Variants in SMIM36 observed in about 807,000 individuals in gnomAD.
SMIM36 encodes small integral membrane protein 36.
chr17:55,480,205 G>C (rs1444379842), intron 1 of SMIM36, among the ~76,000 whole-genome samples: 2 of 149,786 alleles, frequency 1.3e-5, no homozygotes, highest in African/African-American at 4.9e-5. Context: ...TAGTGAGCTG[G>C]ACAGGAAAGG....
chr17:55,520,493 A>C, the SMIM36 span, among the ~76,000 whole-genome samples: 3 of 152,300 alleles, frequency 2.0e-5, no homozygotes, highest in East Asian at 5.8e-4. Context: ...GGGCTAAGTA[A>C]AATAAGGGCT....
At chr17:55,527,061 G>A in the SMIM36 span, 2 of 152,152 alleles carry the variant, frequency 1.3e-5, no homozygotes, top group African/African-American at 4.8e-5. Flanking sequence ...AGTGTCTTTT[G>A]GATGATCTTT....
intron 1 of SMIM36, among the ~76,000 whole-genome samples, chr17:55,508,071 G>C (rs1251451329): frequency 1.1e-4 from 16 of 152,126 alleles, no homozygotes; most frequent in Non-Finnish European, 4.4e-5. Flanking sequence ...TGGTTTACTG[G>C]TGTAAATATG....
upstream of SMIM36, among the ~76,000 whole-genome samples, chr17:55,512,043 G>A (rs1465338670): frequency 1.3e-5 from 2 of 152,150 alleles, no homozygotes; most frequent in Admixed American, 6.5e-5. Context: ...TGCACAATTC[G>A]CCATTTAAGA....
Position 55,467,772 on chromosome 17 carries a change from A to G in SMIM36, c.*348-444T>C, listed in dbSNP as rs143327703. 6.4e-4 allele frequency among the ~76,000 whole-genome samples: 98 copies of G among 152,292 alleles called. 1 individual carries two copies. The East Asian group carries it at 0.018, about 28-fold the overall frequency. ...TGCAACCTGGCTTTCCTGCTGGGCC[A>G]TGTCAGGCCTCTGAGCCCAAGCTAA... On this transcript the variant is annotated intron_variant, in intron 3 of 4. Transcript: ENST00000636752.
chr17:55,511,408 T>A (rs1910180332), exon 1 of SMIM36: 1 of 397,444 alleles, frequency 2.5e-6, no homozygotes, highest in Admixed American at 4.4e-5. Flanking sequence ...AGAGAGCAGA[T>A]CTTAGAGCAT....
the SMIM36 span, among the ~76,000 whole-genome samples, chr17:55,521,722 G>C: frequency 6.6e-6 from 1 of 152,176 alleles, no homozygotes; most frequent in Non-Finnish European, 1.5e-5. Context: ...CTTTGACAGT[G>C]TTAATTGTCA....
At chr17:55,500,779 A>ATTATT (rs1567870458) in intron 1 of SMIM36, among the ~76,000 whole-genome samples, 5 of 62,014 alleles carry the variant, frequency 8.1e-5, no homozygotes, top group African/African-American at 3.3e-4. Context: ...TATAATATAT[A>ATTATT]ATATATTATT....
At position 55,490,230 on chromosome 17, in the gene SMIM36, G is replaced by A. The variant is rs190077532; in HGVS notation, c.*175-10650C>T. ...AGTTGCATCATCAAAAGCATCTAAA[G>A]TAGGGTGGAAAAATCACTAGAAGGG... On this transcript the variant is annotated intron_variant, in intron 1 of 4. Coordinates refer to ENST00000636752, the Ensembl canonical transcript of SMIM36. Among the ~76,000 whole-genome samples, 470 of 152,228 alleles carry A rather than the reference G, an allele frequency of 3.1e-3. 3 individuals are homozygous for A. Among genetic ancestry groups the A allele is most frequent in the Admixed American group, 4.3e-3 (65 of 15,278 alleles).
intron 4 of SMIM36, among the ~76,000 whole-genome samples, chr17:55,454,311 G>T (rs898035524): frequency 1.3e-5 from 2 of 152,172 alleles, no homozygotes; most frequent in African/African-American, 4.8e-5. Context: ...AAAGGAAAGT[G>T]TCCTGTAGCA....
intron 1 of SMIM36, among the ~76,000 whole-genome samples, chr17:55,501,365 A>T (rs1442066503): frequency 1.0e-3 from 81 of 79,800 alleles, no homozygotes; most frequent in African/African-American, 3.2e-3. Flanking sequence ...ATAATATATA[A>T]TATATTATAT....
At chr17:55,457,951 T>C (rs1909058650) in intron 4 of SMIM36, among the ~76,000 whole-genome samples, 1 of 152,224 alleles carries the variant, frequency 6.6e-6, no homozygotes, top group Non-Finnish European at 1.5e-5. Flanking sequence ...TTGAGATTAG[T>C]GGAGGTACAG....
intron 3 of SMIM36, among the ~76,000 whole-genome samples, chr17:55,474,901 G>T (rs1257764645): frequency 2.6e-5 from 4 of 152,170 alleles, no homozygotes; most frequent in Non-Finnish European, 5.9e-5. Context: ...CTTTGTGTGA[G>T]ATAGACTGGC....
At position 55,501,352 on chromosome 17, in the gene SMIM36, T is replaced by A. The variant is rs759666777; in HGVS notation, c.*174+9527A>T. ...ATATATAATATATTATATATTATAT[T>A]TTATAATATATAATATATTATATAT... On this transcript the variant is annotated intron_variant, in intron 1 of 4. Transcript: ENST00000636752. Among the ~76,000 whole-genome samples, 49 of 58,672 alleles carry A rather than the reference T, an allele frequency of 8.4e-4. 2 individuals carry two copies. In the East Asian group the frequency reaches 0.01, roughly 12 times the overall value. 38.5% of individuals were successfully genotyped at this position (58,672 alleles called of 152,430 possible).
intron 1 of SMIM36, among the ~76,000 whole-genome samples, chr17:55,502,943 C>CCGATG (rs1261987313): frequency 9.3e-5 from 14 of 150,164 alleles, no homozygotes; most frequent in Non-Finnish European, 1.9e-4. Flanking sequence ...GCCTCAGGAG[C>CCGATG]CGATGCGATC....
the SMIM36 span, among the ~76,000 whole-genome samples, chr17:55,520,112 G>A: frequency 1.4e-3 from 206 of 152,218 alleles, 1 homozygote; most frequent in African/African-American, 4.6e-3. Flanking sequence ...TATTGTGGTC[G>A]TATCACTCCA....
At chr17:55,468,654 C>T (rs1253447939) in intron 3 of SMIM36, among the ~76,000 whole-genome samples, 1 of 152,114 alleles carries the variant, frequency 6.6e-6, no homozygotes, top group East Asian at 1.9e-4. Flanking sequence ...ACATTACAGC[C>T]TAGGGTGGCT....
intron 1 of SMIM36, among the ~76,000 whole-genome samples, chr17:55,489,918 G>A (rs976516832): frequency 4.6e-5 from 7 of 151,582 alleles, no homozygotes; most frequent in East Asian, 1.9e-4. Flanking sequence ...GCACAATCTC[G>A]GCTCACTGCA....
intron 1 of SMIM36, among the ~76,000 whole-genome samples, 174 bp from the exon 2 acceptor site, chr17:55,479,754 T>C (rs576070717): frequency 8.5e-5 from 13 of 152,296 alleles, no homozygotes; most frequent in African/African-American, 2.9e-4. Context: ...TTATTATATA[T>C]AAAGTAAGGA....
Sources: allele counts gnomAD v4.1 joint callset (sites outside exome capture counted in the v4.1 genomes callset), GRCh38; gene constraint gnomAD v4.1.1; transcripts MANE v1.5; gene names NCBI Gene and HGNC (gene_info 2026-07-23, HGNC 2026-07-21).